MTX2: variants seen among roughly 807,000 people sequenced by gnomAD.
MTX2 encodes metaxin 2.
MTX2 carries 35 observed loss-of-function variants against 42.3 expected under a neutral mutation model. That is an observed-to-expected ratio of 0.83 (90% CI 0.63 to 1.10). The LOEUF (loss-of-function observed/expected upper bound fraction) is 1.10. MTX2 is among the 50% of genes least tolerant of loss of function. The pLI, the probability that MTX2 is intolerant of heterozygous loss-of-function variation, is 0.00. For missense variants in MTX2, 307 were observed against 304.1 expected, an observed-to-expected ratio of 1.01 and a Z score of -0.07; for synonymous variants, 119 against 100.9, an observed-to-expected ratio of 1.18 and a Z score of -1.08.
chr2:176,284,142 G>T (rs532898448), intron 1 of MTX2, among the ~76,000 whole-genome samples: 11 of 149,514 alleles, frequency 7.4e-5, no homozygotes, highest in Admixed American at 2.0e-4. Flanking sequence ...ATGGGGTCTT[G>T]TTATGTTGCC....
chr2:176,308,250 G>A (rs183905439), intron 3 of MTX2, among the ~76,000 whole-genome samples: 14 of 152,180 alleles, frequency 9.2e-5, no homozygotes, highest in Non-Finnish European at 1.8e-4. Context: ...GGATGAAGCC[G>A]ACTTGATCAT....
At chr2:176,305,020 C>G (rs1684107466) in intron 3 of MTX2, among the ~76,000 whole-genome samples, 1 of 151,984 alleles carries the variant, frequency 6.6e-6, no homozygotes, top group Non-Finnish European at 1.5e-5. Context: ...AAAGGCAATT[C>G]TTTAAAATTT....
At chr2:176,277,432 C>T (rs966125374) in intron 1 of MTX2, among the ~76,000 whole-genome samples, 3 of 152,090 alleles carry the variant, frequency 2.0e-5, no homozygotes, top group Admixed American at 6.5e-5. Context: ...GATGGAGTTG[C>T]GCTCTTGTTG....
At position 176,269,676 on chromosome 2, in the gene MTX2, C is replaced by G; in HGVS notation, c.40+7C>G. 1 of 1,592,966 alleles carries G rather than the reference C, an allele frequency of 6.3e-7. No homozygotes were observed. On this transcript the variant is annotated splice_region_variant and intron_variant, in intron 1 of 9. Coordinates refer to ENST00000249442, the MANE Select transcript of MTX2 (RefSeq NM_006554.5). ...TTCGTCTCCCAGATTGCAGGTAGCG[C>G]GGCTGGCCGCAGACCCAGAAGGTGG...
chr2:176,293,482 A>G (rs1409643840), intron 1 of MTX2, among the ~76,000 whole-genome samples: 1 of 152,138 alleles, frequency 6.6e-6, no homozygotes, highest in African/African-American at 2.4e-5. Flanking sequence ...TGTTTGGGTC[A>G]TGGGGGTGGA....
At chr2:176,316,301 C>T (rs1341761110) in intron 3 of MTX2, among the ~76,000 whole-genome samples, 1 of 152,032 alleles carries the variant, frequency 6.6e-6, no homozygotes, top group Non-Finnish European at 1.5e-5. Flanking sequence ...ATTCAGTAGC[C>T]CTTATTAGAG....
intron 1 of MTX2, among the ~76,000 whole-genome samples, chr2:176,280,220 A>G (rs374178852): frequency 6.6e-6 from 1 of 152,168 alleles, no homozygotes; most frequent in African/African-American, 2.4e-5. Context: ...CAGGAAGGCA[A>G]AGATTCAAGA....
At chr2:176,281,797 G>A (rs553080013) in intron 1 of MTX2, among the ~76,000 whole-genome samples, 2 of 152,252 alleles carry the variant, frequency 1.3e-5, no homozygotes, top group South Asian at 4.2e-4. Flanking sequence ...GGGGTGAGTA[G>A]AGTAGTGCGG....
At chr2:176,311,278 G>A (rs1282223665) in intron 3 of MTX2, among the ~76,000 whole-genome samples, 7 of 152,204 alleles carry the variant, frequency 4.6e-5, no homozygotes, top group East Asian at 1.9e-4. Flanking sequence ...TGGAAGCTTC[G>A]TCCCAGAGGA....
chr2:176,324,517 G>A (rs1684664518), intron 4 of MTX2, among the ~76,000 whole-genome samples: 1 of 151,530 alleles, frequency 6.6e-6, no homozygotes. Context: ...TAGATTTTAG[G>A]AACTACAGAG....
At chr2:176,321,073 T>C (rs1684573406) in intron 3 of MTX2, among the ~76,000 whole-genome samples, 1 of 152,172 alleles carries the variant, frequency 6.6e-6, no homozygotes, top group Admixed American at 6.6e-5. Flanking sequence ...TTTTTCTCTT[T>C]GTGTTTTAAT....
At chr2:176,335,729 G>A (rs1016370612) in intron 9 of MTX2, among the ~76,000 whole-genome samples, 2 of 151,970 alleles carry the variant, frequency 1.3e-5, no homozygotes, top group African/African-American at 4.8e-5. Flanking sequence ...CTTTTATTTT[G>A]GGAAGTTTGG....
At chr2:176,329,178 G>GT in intron 7 of MTX2, 123 bp from the exon 8 acceptor site, 1 of 1,178,714 alleles carries the variant, frequency 8.5e-7, no homozygotes, top group African/African-American at 1.6e-5. Context: ...TGCAGGATGT[G>GT]TATTTTTTTC....
rs1387157385 is a variant in MTX2 at position 176,269,680 on chromosome 2, T to A, written c.40+11T>A. On this transcript the variant is annotated intron_variant, in intron 1 of 9. Transcript: ENST00000249442. ...TCTCCCAGATTGCAGGTAGCGCGGCTGGCCGCAGACCCAGAAGGTGGCGGC... is the reference window on the plus strand; with the variant it reads ...TCTCCCAGATTGCAGGTAGCGCGGCAGGCCGCAGACCCAGAAGGTGGCGGC... The A allele has an allele frequency of 6.3e-7, 1 of 1,591,522 alleles. No homozygotes were observed.
At position 176,326,805 on chromosome 2, in the gene MTX2, CT is replaced by C. The variant is rs746296445; in HGVS notation, c.209-11del. 1.6e-4 allele frequency: 232 copies of C among 1,423,358 alleles called. No individual in the cohort carries two copies. The highest frequency in any genetic ancestry group is 3.7e-4 in the Admixed American group (16 of 43,094). 88.2% of individuals were successfully genotyped at this position (1,423,358 alleles called of 1,614,324 possible). A position where few individuals can be genotyped will look rare whatever the true frequency, so the allele number is the denominator to read the frequency against. ...CATACTGGAAGTATTTTTATAAATA[CT>C]TTTTTTTTCTCTCAACAGGTAAAGT... is the stretch of plus-strand genomic sequence containing the variant. On this transcript the variant is annotated intron_variant, in intron 4 of 9. Coordinates refer to ENST00000249442, the MANE Select transcript of MTX2 (RefSeq NM_006554.5).
At chr2:176,279,176 A>C (rs1184213433) in intron 1 of MTX2, among the ~76,000 whole-genome samples, 1 of 152,172 alleles carries the variant, frequency 6.6e-6, no homozygotes, top group Non-Finnish European at 1.5e-5. Context: ...GAATTTCTTC[A>C]TAACTTGATC....
chr2:176,317,139 A>G (rs1684466256), intron 3 of MTX2, among the ~76,000 whole-genome samples: 2 of 151,554 alleles, frequency 1.3e-5, no homozygotes, highest in African/African-American at 4.8e-5. Flanking sequence ...ACATTTTCAT[A>G]TGTTCATTTA....
intron 4 of MTX2, 60 bp downstream of exon 4, chr2:176,323,524 G>T: frequency 6.9e-7 from 1 of 1,454,250 alleles, no homozygotes; most frequent in East Asian, 2.3e-5. Context: ...TATAGTGATA[G>T]TCCAGTTTGT....
intron 7 of MTX2, 76 bp downstream of exon 7, chr2:176,328,988 C>G: frequency 7.7e-7 from 1 of 1,293,030 alleles, no homozygotes; most frequent in Non-Finnish European, 1.1e-6. Flanking sequence ...CAAGTCCCTG[C>G]TCATAAATGA....
Sources: allele counts gnomAD v4.1 joint callset (sites outside exome capture counted in the v4.1 genomes callset), GRCh38; gene constraint gnomAD v4.1.1; transcripts MANE v1.5; gene names NCBI Gene and HGNC (gene_info 2026-07-23, HGNC 2026-07-21).